RGS6: variants seen among roughly 807,000 people sequenced by gnomAD.
The protein encoded by RGS6 is regulator of G protein signaling 6, also known as regulator of G-protein signaling 6.
Under a neutral mutation model 78.5 loss-of-function variants are expected in RGS6, and 30 were observed. The ratio of observed to expected loss-of-function variants is 0.38; its 90% CI spans 0.29 to 0.52. The LOEUF is 0.52. RGS6 is among the 20% of genes least tolerant of loss of function. The pLI is 0.85. For synonymous variants in RGS6, 206 were observed against 206.0 expected (o/e 1.00, Z 0.00); for missense variants, 495 against 609.7 (o/e 0.81, Z 1.98).
chr14:72,338,273 C>T (rs954466866), intron 2 of RGS6, among the ~76,000 whole-genome samples: 1 of 152,296 alleles, frequency 6.6e-6, no homozygotes, highest in East Asian at 1.9e-4. Context: ...ACTCACGGTT[C>T]CACGTGGTTG....
chr14:72,284,134 T>C (rs1341904756), intron 2 of RGS6, among the ~76,000 whole-genome samples: 3 of 152,202 alleles, frequency 2.0e-5, no homozygotes, highest in Non-Finnish European at 1.5e-5. Flanking sequence ...GTTAAAAGCA[T>C]TCAGTTTTGA....
At chr14:72,373,114 G>A (rs950183347) in intron 3 of RGS6, among the ~76,000 whole-genome samples, 2 of 152,082 alleles carry the variant, frequency 1.3e-5, no homozygotes, top group Non-Finnish European at 2.9e-5. Context: ...CCCTTTTCCT[G>A]TCTAGGTCCT....
chr14:72,402,276 A>G (rs891306786), intron 3 of RGS6, among the ~76,000 whole-genome samples: 1 of 152,250 alleles, frequency 6.6e-6, no homozygotes, highest in Non-Finnish European at 1.5e-5. Context: ...AGTAAGGGCA[A>G]GGAGGCACAG....
intron 2 of RGS6, among the ~76,000 whole-genome samples, chr14:72,340,276 A>G (rs899362132): frequency 2.2e-4 from 33 of 152,162 alleles, no homozygotes; most frequent in Non-Finnish European, 4.0e-4. Context: ...GGGACATCAA[A>G]CATGAACAAT....
chr14:71,941,284 C>T (rs1566875389), intron 1 of RGS6, among the ~76,000 whole-genome samples: 1 of 152,094 alleles, frequency 6.6e-6, no homozygotes, highest in Non-Finnish European at 1.5e-5. Context: ...TAAACAGTTT[C>T]TGCCAAGGAC....
chr14:72,140,499 C>CATGCTATTT (rs1483778549), intron 2 of RGS6, among the ~76,000 whole-genome samples: 2 of 152,138 alleles, frequency 1.3e-5, no homozygotes, highest in Non-Finnish European at 2.9e-5. Flanking sequence ...CTCAGCAAGC[C>CATGCTATTT]ATGCTATTTA....
chr14:72,590,396 G>A, the RGS6 span, among the ~76,000 whole-genome samples: 2 of 152,304 alleles, frequency 1.3e-5, no homozygotes, highest in South Asian at 2.1e-4. Flanking sequence ...AATGTTCACC[G>A]ACAGGTGAAT....
At position 72,237,654 on chromosome 14, in the gene RGS6, G is replaced by A. The variant is rs115331829; in HGVS notation, c.85-114441G>A. ...CTGACTGCTTGCTATTGAGACGGGA[G>A]AGTTCCCTTGACCCCTTTGCAGGAC... On this transcript the variant is annotated intron_variant, in intron 2 of 17. Coordinates refer to ENST00000553525, the MANE Select transcript of RGS6 (RefSeq NM_001204424.2). 1.0e-3 allele frequency among the ~76,000 whole-genome samples: 154 copies of A among 152,242 alleles called. 1 individual carries two copies. Among genetic ancestry groups the A allele is most frequent in the African/African-American group, 3.6e-3 (149 of 41,528 alleles).
intron 2 of RGS6, among the ~76,000 whole-genome samples, chr14:72,131,601 C>G (rs1026784095): frequency 6.6e-6 from 1 of 152,164 alleles, no homozygotes; most frequent in African/African-American, 2.4e-5. Context: ...CTTCCCACAT[C>G]CAGAGCTAGC....
At chr14:71,914,807 T>C in the RGS6 span, among the ~76,000 whole-genome samples, 1 of 151,806 alleles carries the variant, frequency 6.6e-6, no homozygotes, top group Non-Finnish European at 1.5e-5. Flanking sequence ...TTTACTTCTA[T>C]TTGTTCTTCT....
chr14:72,259,490 T>G (rs1004241282), intron 2 of RGS6, among the ~76,000 whole-genome samples: 1 of 152,192 alleles, frequency 6.6e-6, no homozygotes, highest in Admixed American at 6.5e-5. Context: ...TGAGAATCCC[T>G]GAGAGGATTG....
intron 2 of RGS6, among the ~76,000 whole-genome samples, chr14:72,282,212 C>T (rs1378492566): frequency 3.9e-5 from 6 of 152,118 alleles, no homozygotes. Context: ...GATGTGATGG[C>T]TGTTTGGTCC....
At chr14:72,551,488 G>T (rs747536482) in intron 17 of RGS6, among the ~76,000 whole-genome samples, 12 of 152,314 alleles carry the variant, frequency 7.9e-5, no homozygotes, top group Non-Finnish European at 1.5e-4. Flanking sequence ...GGAGTTAAAT[G>T]TCAAAAACGT....
intron 2 of RGS6, among the ~76,000 whole-genome samples, chr14:72,109,936 C>T (rs138937619): frequency 6.6e-6 from 1 of 152,260 alleles, no homozygotes; most frequent in Non-Finnish European, 1.5e-5. Context: ...ACTCCCAATC[C>T]AAGACTTCTT....
At chr14:71,877,835 A>G in the RGS6 span, among the ~76,000 whole-genome samples, 3 of 152,216 alleles carry the variant, frequency 2.0e-5, no homozygotes, top group African/African-American at 7.2e-5. Flanking sequence ...TTGGCATTTG[A>G]TGATGGTGAC....
chr14:72,492,784 T>G (rs1266743310), intron 12 of RGS6, among the ~76,000 whole-genome samples: 1 of 152,164 alleles, frequency 6.6e-6, no homozygotes, highest in Non-Finnish European at 1.5e-5. Context: ...AAGTACAACC[T>G]GTGGGCCAAA....
At chr14:72,227,509 G>A (rs1008512643) in intron 2 of RGS6, among the ~76,000 whole-genome samples, 6 of 152,148 alleles carry the variant, frequency 3.9e-5, no homozygotes, top group Admixed American at 6.6e-5. Flanking sequence ...AACCCCTAGT[G>A]TTTTGGGCAA....
Position 71,984,913 on chromosome 14 carries a change from G to A in RGS6, c.84+20038G>A, listed in dbSNP as rs532021313. Among the ~76,000 whole-genome samples the A allele has an allele frequency of 2.6e-3, 389 of 152,050 alleles. 1 individual carries two copies. The highest frequency in any genetic ancestry group is 8.8e-3 in the African/African-American group (366 of 41,488). ...TTAGAAAGAATCAAAATATAAAGTA[G>A]AGAAAAAATCTCACATATTCCTATC... is the stretch of plus-strand genomic sequence containing the variant. On this transcript the variant is annotated intron_variant, in intron 2 of 17. Transcript: ENST00000553525.
intron 2 of RGS6, among the ~76,000 whole-genome samples, chr14:72,055,800 A>G (rs1179043676): frequency 6.6e-6 from 1 of 152,224 alleles, no homozygotes; most frequent in Admixed American, 6.5e-5. Flanking sequence ...TCTAAAGTAC[A>G]AAGTTTGCAT....
Sources: gnomAD v4.1 joint callset for allele counts (sites outside exome capture counted in the v4.1 genomes callset) on GRCh38, gnomAD v4.1.1 for gene constraint, MANE v1.5 for transcripts, NCBI Gene and HGNC (gene_info 2026-07-23, HGNC 2026-07-21) for gene names.